MDFIC: variants seen among roughly 807,000 people sequenced by gnomAD.
MDFIC encodes myoD family inhibitor domain-containing protein.
MDFIC carries 17 observed loss-of-function variants against 23.2 expected under a neutral mutation model. That is an observed-to-expected ratio of 0.73 (90% CI 0.50 to 1.10). The LOEUF (loss-of-function observed/expected upper bound fraction) is 1.10. Ranked by LOEUF, MDFIC falls within the 50% of genes least tolerant of loss-of-function variation. MDFIC has a pLI of 0.00. For synonymous variants in MDFIC, 120 were observed against 115.2 expected (o/e 1.04, Z -0.27); for missense variants, 356 against 316.6 (o/e 1.12, Z -0.95).
chr7:115,009,285 C>T (rs1426460612), intron 4 of MDFIC, among the ~76,000 whole-genome samples: 1 of 152,178 alleles, frequency 6.6e-6, no homozygotes, highest in African/African-American at 2.4e-5. Flanking sequence ...GCTGTCTGTC[C>T]TTTCCTGTAC....
intron 4 of MDFIC, among the ~76,000 whole-genome samples, chr7:114,990,034 A>C (rs970611984): frequency 1.3e-5 from 2 of 152,212 alleles, no homozygotes; most frequent in African/African-American, 4.8e-5. Context: ...CAAACAGCTA[A>C]AGAGAAGAAA....
intron 3 of MDFIC, among the ~76,000 whole-genome samples, chr7:114,959,809 C>G (rs949860323): frequency 8.4e-5 from 11 of 130,646 alleles, no homozygotes; most frequent in Non-Finnish European, 1.6e-4. Context: ...TCTTGACTCC[C>G]ACATTCTAAA....
At chr7:114,950,825 A>G (rs1792753828) in intron 3 of MDFIC, among the ~76,000 whole-genome samples, 2 of 152,200 alleles carry the variant, frequency 1.3e-5, no homozygotes, top group Non-Finnish European at 2.9e-5. Context: ...AACAATAGGT[A>G]AAGCTGGGTT....
In MDFIC at chr7:115,018,101, C is replaced by T. The variant is rs1030694281; in HGVS notation, c.*2166C>T. 6.6e-6 allele frequency: 1 copy of T among 151,906 alleles called. No individual in the cohort carries two copies. The highest frequency in any genetic ancestry group is 1.5e-5 in the Non-Finnish European group (1 of 67,830). The allele number at this position is 151,906 out of a possible 1,614,324, so 9.4% of individuals were successfully genotyped here. A position where few individuals can be genotyped will look rare whatever the true frequency, so the allele number is the denominator to read the frequency against. ...ATCTGAATATAATTCTGGTAAACAG[C>T]TGTCTTCATTTTTCTCCTCTAAAGA... On this transcript the variant is annotated 3_prime_UTR_variant, in exon 5 of 5. Coordinates refer to ENST00000393486, the MANE Select transcript of MDFIC (RefSeq NM_001166345.3).
At chr7:114,970,817 G>A (rs1793190741) in intron 3 of MDFIC, among the ~76,000 whole-genome samples, 1 of 152,124 alleles carries the variant, frequency 6.6e-6, no homozygotes, top group East Asian at 1.9e-4. Flanking sequence ...GACTTTAGTG[G>A]TCTCAGATCC....
intron 3 of MDFIC, among the ~76,000 whole-genome samples, chr7:114,971,938 G>GA (rs569469873): frequency 2.7e-5 from 4 of 149,164 alleles, no homozygotes; most frequent in Non-Finnish European, 4.5e-5. Context: ...CTGATTTACA[G>GA]AAAAAAAAAG....
intron 3 of MDFIC, among the ~76,000 whole-genome samples, chr7:114,953,233 A>G (rs1399395776): frequency 6.6e-6 from 1 of 152,210 alleles, no homozygotes; most frequent in Non-Finnish European, 1.5e-5. Context: ...ATTCAAATAC[A>G]TGTAACTTGT....
intron 2 of MDFIC, among the ~76,000 whole-genome samples, chr7:114,932,239 A>G (rs1471518978): frequency 6.6e-6 from 1 of 152,212 alleles, no homozygotes; most frequent in East Asian, 1.9e-4. Context: ...TCAGCTAAGG[A>G]GTAACATATT....
chr7:114,928,735 A>G (rs1299227060), intron 2 of MDFIC, among the ~76,000 whole-genome samples: 2 of 152,104 alleles, frequency 1.3e-5, no homozygotes, highest in Non-Finnish European at 2.9e-5. Context: ...AAGGACAGGA[A>G]CCACTTGTGT....
rs114522244 is a variant in MDFIC at position 115,010,915 on chromosome 7, A to T, written c.494-4773A>T. Among the ~76,000 whole-genome samples the T allele has an allele frequency of 7.3e-3, 1,118 of 152,350 alleles. 12 individuals are homozygous for T. Among genetic ancestry groups the T allele is most frequent in the African/African-American group, 0.025 (1,058 of 41,590 alleles). On this transcript the variant is annotated intron_variant, in intron 4 of 4. Transcript: ENST00000393486. ...AGTGATGACTTGTTCTTACATATTG[A>T]AGGGTAACATTTACTTTCAACTTTT...
At chr7:114,986,360 T>C (rs1793514186) in intron 4 of MDFIC, among the ~76,000 whole-genome samples, 2 of 151,998 alleles carry the variant, frequency 1.3e-5, no homozygotes, top group African/African-American at 4.8e-5. Context: ...CCAGTAGGAG[T>C]ACAGCCAAGA....
chr7:114,944,672 AGTCT>A (rs1175922414), intron 3 of MDFIC, among the ~76,000 whole-genome samples: 3 of 152,180 alleles, frequency 2.0e-5, no homozygotes, highest in African/African-American at 4.8e-5. Flanking sequence ...TGTGTAATTT[AGTCT>A]GTCTGTCTTA....
At position 114,931,896 on chromosome 7, in the gene MDFIC, G is replaced by C. The variant is rs140692309; in HGVS notation, c.94+8769G>C. 2.6e-5 allele frequency among the ~76,000 whole-genome samples: 4 copies of C among 152,350 alleles called. No homozygotes were observed. The East Asian group carries it at 5.8e-4, about 22-fold the overall frequency. ...AGGCTCTCTGAAACTAGGTGGCAGA[G>C]TATGAAGGAACCAGCTTCCTCTCTT... On this transcript the variant is annotated intron_variant, in intron 2 of 4. Coordinates refer to ENST00000393486, the MANE Select transcript of MDFIC (RefSeq NM_001166345.3).
rs561334583 is a variant in MDFIC at position 114,937,227 on chromosome 7, T to C, written c.95-5048T>C. Among the ~76,000 whole-genome samples the C allele has an allele frequency of 2.6e-5, 4 of 152,362 alleles. No homozygotes were observed. In the South Asian group the frequency reaches 8.3e-4, roughly 32 times the overall value. Reference sequence around the variant, plus strand: ...GGAGAAGATTGTTTCTTACCATTCATGCCCTTCTTTAGAAACAGGAAAATA... The same window carrying C: ...GGAGAAGATTGTTTCTTACCATTCACGCCCTTCTTTAGAAACAGGAAAATA... On this transcript the variant is annotated intron_variant, in intron 2 of 4. Coordinates refer to ENST00000393486, the MANE Select transcript of MDFIC (RefSeq NM_001166345.3).
chr7:114,923,226 A>G (rs1332885686), intron 2 of MDFIC, 99 bp downstream of exon 2: 1 of 1,423,070 alleles, frequency 7.0e-7, no homozygotes, highest in Non-Finnish European at 9.5e-7. Context: ...TGCTGTGAGG[A>G]GGGGCTCCCA....
Position 115,017,483 on chromosome 7 carries a change from A to C in MDFIC, c.*1548A>C, listed in dbSNP as rs887749190. The C allele has an allele frequency of 1.3e-5, 2 of 152,408 alleles. No homozygotes were observed. Among genetic ancestry groups the C allele is most frequent in the African/African-American group, 4.8e-5 (2 of 41,448 alleles). The allele number at this position is 152,408 out of a possible 1,614,324, so 9.4% of individuals were successfully genotyped here. A position where few individuals can be genotyped will look rare whatever the true frequency, so the allele number is the denominator to read the frequency against. On this transcript the variant is annotated 3_prime_UTR_variant, in exon 5 of 5. Coordinates refer to ENST00000393486, the MANE Select transcript of MDFIC (RefSeq NM_001166345.3). ...TTAAGCAGTGCTATTTTTTGTAAAC[A>C]CAGATAAATGGAAACCATTCTTTTC...
At chr7:114,989,210 G>A (rs1793562123) in intron 4 of MDFIC, among the ~76,000 whole-genome samples, 1 of 152,134 alleles carries the variant, frequency 6.6e-6, no homozygotes, top group African/African-American at 2.4e-5. Flanking sequence ...TTTAAAAAGA[G>A]GAAGAGAACT....
chr7:114,923,325 G>A, intron 2 of MDFIC, 198 bp downstream of exon 2: 1 of 1,149,316 alleles, frequency 8.7e-7, no homozygotes, highest in Non-Finnish European at 1.2e-6. Flanking sequence ...GTAAGAGGGC[G>A]GGAACCGTTG....
chr7:114,937,717 C>T (rs1353692260), intron 2 of MDFIC, among the ~76,000 whole-genome samples: 2 of 152,128 alleles, frequency 1.3e-5, no homozygotes, highest in East Asian at 3.8e-4. Context: ...GATTTGTTGC[C>T]AGGGACCTCG....
Sources: gnomAD v4.1 joint callset for allele counts (sites outside exome capture counted in the v4.1 genomes callset) on GRCh38, gnomAD v4.1.1 for gene constraint, MANE v1.5 for transcripts, NCBI Gene and HGNC (gene_info 2026-07-23, HGNC 2026-07-21) for gene names.